Variants in FRMD4A observed in about 807,000 individuals in gnomAD.
FRMD4A encodes FERM domain-containing protein 4A.
A neutral mutation model predicts 129.1 loss-of-function variants in FRMD4A; 29 were observed. The ratio of observed to expected loss-of-function variants is 0.22; its 90% CI spans 0.17 to 0.31. The LOEUF (loss-of-function observed/expected upper bound fraction) is 0.31. FRMD4A is among the 10% of genes least tolerant of loss of function. The probability of loss-of-function intolerance (pLI) is 1.00; values close to 1 mark genes in which losing one functional copy is unlikely to be tolerated. For synonymous variants in FRMD4A, 634 were observed against 571.6 expected, an observed-to-expected ratio of 1.11 and a Z score of -1.56; for missense variants, 1,272 against 1,375.8, an observed-to-expected ratio of 0.92 and a Z score of 1.19.
chr10:14,209,524 A>G (rs1842877601), intron 2 of FRMD4A, among the ~76,000 whole-genome samples: 2 of 152,004 alleles, frequency 1.3e-5, no homozygotes, highest in Non-Finnish European at 2.9e-5. Context: ...GATCAAGACC[A>G]TCCTGGCTAA....
At chr10:14,056,709 T>G (rs1039998207) in intron 2 of FRMD4A, among the ~76,000 whole-genome samples, 1 of 152,220 alleles carries the variant, frequency 6.6e-6, no homozygotes. Flanking sequence ...CACTCATCTT[T>G]CAGCCTATGG....
At chr10:13,860,312 CTTTG>C (rs1187116673) in intron 2 of FRMD4A, among the ~76,000 whole-genome samples, 8 of 152,292 alleles carry the variant, frequency 5.3e-5, no homozygotes, top group Admixed American at 2.0e-4. Context: ...TTTTTATTAT[CTTTG>C]TTTGTTAACA....
intron 2 of FRMD4A, among the ~76,000 whole-genome samples, chr10:14,225,207 C>A (rs1843395772): frequency 6.6e-6 from 1 of 152,162 alleles, no homozygotes; most frequent in Admixed American, 6.5e-5. Flanking sequence ...CTACTAAAAT[C>A]ATCATTTTGA....
At chr10:14,248,407 T>G (rs1314864398) in intron 2 of FRMD4A, among the ~76,000 whole-genome samples, 1 of 152,226 alleles carries the variant, frequency 6.6e-6, no homozygotes, top group African/African-American at 2.4e-5. Context: ...CTTTTTCCAG[T>G]CTTACATATT....
At chr10:13,967,548 A>G (rs1003794642) in intron 2 of FRMD4A, among the ~76,000 whole-genome samples, 1 of 152,188 alleles carries the variant, frequency 6.6e-6, no homozygotes, top group Non-Finnish European at 1.5e-5. Flanking sequence ...AATTTTAAAA[A>G]AACAAAAACA....
At chr10:14,298,339 GTT>G (rs2132085521) in intron 2 of FRMD4A, among the ~76,000 whole-genome samples, 1 of 152,252 alleles carries the variant, frequency 6.6e-6, no homozygotes, top group African/African-American at 2.4e-5. Context: ...CATCTTCTCA[GTT>G]TTGATTATAA....
intron 12 of FRMD4A, among the ~76,000 whole-genome samples, chr10:13,736,862 T>C (rs888762295): frequency 6.6e-5 from 10 of 152,242 alleles, no homozygotes; most frequent in Non-Finnish European, 1.2e-4. Context: ...ATGTTTCCAT[T>C]ATAATTTTTC....
At chr10:13,805,696 G>T (rs962012126) in intron 4 of FRMD4A, among the ~76,000 whole-genome samples, 2 of 151,966 alleles carry the variant, frequency 1.3e-5, no homozygotes, top group African/African-American at 4.8e-5. Flanking sequence ...ATTTTAATTA[G>T]TTTTGTTGTT....
At chr10:13,798,286 C>T (rs2093167867) in intron 4 of FRMD4A, among the ~76,000 whole-genome samples, 5 of 152,058 alleles carry the variant, frequency 3.3e-5, no homozygotes. Context: ...GTGGCAGGTG[C>T]CTATAATCCC....
intron 2 of FRMD4A, among the ~76,000 whole-genome samples, chr10:14,073,929 T>C (rs116021718): frequency 9.6e-4 from 146 of 152,164 alleles, no homozygotes; most frequent in African/African-American, 3.4e-3. Flanking sequence ...CTGGGCAACA[T>C]AGTGAAACTC....
intron 5 of FRMD4A, among the ~76,000 whole-genome samples, chr10:13,794,659 A>G (rs941242464): frequency 2.0e-5 from 3 of 152,194 alleles, no homozygotes; most frequent in Non-Finnish European, 4.4e-5. Context: ...ATTCTGCCAG[A>G]TGGCGTGTAT....
At chr10:13,686,150 A>G (rs1048726741) in intron 15 of FRMD4A, among the ~76,000 whole-genome samples, 1 of 152,240 alleles carries the variant, frequency 6.6e-6, no homozygotes, top group African/African-American at 2.4e-5. Flanking sequence ...CTATGACCAA[A>G]ATTAAGGCCC....
At chr10:14,098,466 C>T (rs1309283663) in intron 2 of FRMD4A, among the ~76,000 whole-genome samples, 1 of 151,788 alleles carries the variant, frequency 6.6e-6, no homozygotes, top group Non-Finnish European at 1.5e-5. Flanking sequence ...TGCACTGGCA[C>T]GATCTTGGCT....
At chr10:13,882,885 C>T (rs1331750195) in intron 2 of FRMD4A, among the ~76,000 whole-genome samples, 1 of 151,454 alleles carries the variant, frequency 6.6e-6, no homozygotes, top group African/African-American at 2.4e-5. Flanking sequence ...CTCACTGCAA[C>T]CTCTGCCTTC....
At chr10:13,741,301 A>G (rs1428269163) in intron 9 of FRMD4A, among the ~76,000 whole-genome samples, 2 of 151,908 alleles carry the variant, frequency 1.3e-5, no homozygotes, top group African/African-American at 4.8e-5. Flanking sequence ...AAATACAAAA[A>G]TTAGCCAGGC....
Position 13,796,564 on chromosome 10 carries a change from T to C in FRMD4A, c.231A>G (p.Leu77=). 6.3e-7 allele frequency: 1 copy of C among 1,599,766 alleles called. No individual in the cohort carries two copies. Among genetic ancestry groups the C allele is most frequent in the Non-Finnish European group, 8.6e-7 (1 of 1,166,928 alleles). The part of the protein sequence containing the change: ...DETGHLNWLQ[L]DRRVLEHDFP... ...AGTCATGTTCCAATACTCTTCGATC[T>C]AGCTGAAGCCAGTTTAAGTGTCCCC... Residue 77 remains leucine, a synonymous_variant, in exon 5 of 25, where the codon CTA becomes CTG. Transcript: ENST00000357447.
chr10:13,743,958 G>C (rs1190097280), intron 9 of FRMD4A, among the ~76,000 whole-genome samples: 1 of 152,152 alleles, frequency 6.6e-6, no homozygotes, highest in Admixed American at 6.5e-5. Context: ...AGCAGAGTAA[G>C]TGCTGCCTGG....
At chr10:14,251,206 A>G (rs1167417756) in intron 2 of FRMD4A, among the ~76,000 whole-genome samples, 3 of 152,222 alleles carry the variant, frequency 2.0e-5, no homozygotes, top group Non-Finnish European at 4.4e-5. Context: ...TATTAATTAG[A>G]AACAAATCAA....
At chr10:13,770,872 A>G (rs959082555) in intron 6 of FRMD4A, among the ~76,000 whole-genome samples, 1 of 152,196 alleles carries the variant, frequency 6.6e-6, no homozygotes, top group African/African-American at 2.4e-5. Flanking sequence ...CTACAAGGGC[A>G]TGCTCTAAAC....
Sources: gnomAD v4.1 joint callset for allele counts (sites outside exome capture counted in the v4.1 genomes callset) on GRCh38, gnomAD v4.1.1 for gene constraint, MANE v1.5 for transcripts, NCBI Gene and HGNC (gene_info 2026-07-23, HGNC 2026-07-21) for gene names.